Variants in AP5Z1 observed in about 807,000 individuals in gnomAD.
The protein encoded by AP5Z1 is adaptor related protein complex 5 subunit zeta 1.
AP5Z1 carries 106 observed loss-of-function variants against 83.0 expected under a neutral mutation model. The observed-to-expected ratio is 1.28, with a 90% CI of 1.09 to 1.50. The LOEUF (loss-of-function observed/expected upper bound fraction) is 1.50. Ranked by LOEUF, AP5Z1 falls within the 40% of genes most tolerant of loss-of-function variation. The pLI is 0.00. For missense variants in AP5Z1, 1,565 were observed against 1,094.2 expected (o/e 1.43, Z -6.07); for synonymous variants, 751 against 514.1 (o/e 1.46, Z -6.23).
In AP5Z1 at chr7:4,786,231, G is replaced by C. The variant is rs148117172; in HGVS notation, c.1133-19G>C. ...GGGCGAGGTCAAGACGTGTGCCCTG[G>C]CGGGCCCTGGTCTTGCAGGGGAAGC... On this transcript the variant is annotated intron_variant, in intron 9 of 16. Transcript: ENST00000649063. The C allele has an allele frequency of 5.4e-4, 862 of 1,583,684 alleles. 3 individuals carry two copies. The African/African-American group carries it at 1.0e-2, about 18-fold the overall frequency.
In AP5Z1 at chr7:4,788,134, T is replaced by A. The variant is rs1781615897; in HGVS notation, c.1455-20T>A. 1.3e-6 allele frequency: 2 copies of A among 1,511,670 alleles called. No homozygotes were observed. The highest frequency in any genetic ancestry group is 1.4e-5 in the African/African-American group (1 of 71,818). The allele number at this position is 1,511,670 out of a possible 1,614,324, so 93.6% of individuals were successfully genotyped here. On this transcript the variant is annotated intron_variant, in intron 11 of 16. Coordinates refer to ENST00000649063, the MANE Select transcript of AP5Z1 (RefSeq NM_014855.3). ...GCAGGGGCCGCATCCCAGCCTGGCC[T>A]TGGGCGTCTGTCCACGCAGGTCAGC...
chr7:4,779,426 T>TGATAA (rs1562403029), intron 1 of AP5Z1, among the ~76,000 whole-genome samples: 1 of 145,882 alleles, frequency 6.9e-6, no homozygotes, highest in African/African-American at 2.5e-5. Context: ...AACATATATA[T>TGATAA]CATATATAAC....
Position 4,790,091 on chromosome 7 carries a change from C to T in AP5Z1, c.1805+162C>T, listed in dbSNP as rs541407626. Reference sequence around the variant, plus strand: ...CCCCACCCACAGCCCCACACCCAGCCCCAGGCACTTCTCTCTGCTTCTCAA... The same window carrying T: ...CCCCACCCACAGCCCCACACCCAGCTCCAGGCACTTCTCTCTGCTTCTCAA... On this transcript the variant is annotated intron_variant, in intron 14 of 16. Transcript: ENST00000649063. 5.3e-6 allele frequency: 7 copies of T among 1,318,782 alleles called. No homozygotes were observed. In the Admixed American group the frequency reaches 1.3e-4, roughly 24 times the overall value. 81.7% of individuals were successfully genotyped at this position (1,318,782 alleles called of 1,614,324 possible).
rs1554257082 is a variant in AP5Z1 at position 4,779,378 on chromosome 7, C to CATATAACATGATTATTATATATCAT, written c.42-1784_42-1760dup. ...TTATATATCATAACGTGTTATATGT[C>CATATAACATGATTATTATATATCAT]ATATAACATGATTATTATATATCAT... On this transcript the variant is annotated intron_variant, in intron 1 of 16. Transcript: ENST00000649063. 9.7e-3 allele frequency among the ~76,000 whole-genome samples: 1,418 copies of CATATAACATGATTATTATATATCAT among 146,382 alleles called. 22 individuals are homozygous for CATATAACATGATTATTATATATCAT. Among genetic ancestry groups the CATATAACATGATTATTATATATCAT allele is most frequent in the African/African-American group, 0.034 (1,358 of 40,014 alleles).
chr7:4,782,002 C>G (rs1219502171), intron 3 of AP5Z1, among the ~76,000 whole-genome samples: 1 of 152,180 alleles, frequency 6.6e-6, no homozygotes. Context: ...CAGACAGAGC[C>G]TTGAGACAGC....
At chr7:4,780,220 G>A (rs948644327) in intron 1 of AP5Z1, among the ~76,000 whole-genome samples, 4 of 152,110 alleles carry the variant, frequency 2.6e-5, no homozygotes, top group African/African-American at 9.7e-5. Flanking sequence ...TCTTACCTGT[G>A]GCTTACTAGG....
At chr7:4,776,691 C>T (rs548373230) in intron 1 of AP5Z1, among the ~76,000 whole-genome samples, 3 of 151,512 alleles carry the variant, frequency 2.0e-5, no homozygotes, top group Admixed American at 1.3e-4. Flanking sequence ...GCTGAGATGG[C>T]GCCACTGCAC....
chr7:4,781,705 C>T lies in AP5Z1; in HGVS notation c.317C>T (p.Thr106Met), dbSNP rs566001734. 53 of 1,585,812 alleles carry T rather than the reference C, an allele frequency of 3.3e-5. 1 individual carries two copies. In the Admixed American group the frequency reaches 6.4e-4, roughly 19 times the overall value. ...SDSLSLAWDH[T>M]QNSRQLSLVA... is the part of the protein sequence containing the mutation. ...AGCCTCAGCCTGGCCTGGGACCACACGCAGAACAGCCGGCAGCTGAGCCTG... is the reference window on the plus strand; with the variant it reads ...AGCCTCAGCCTGGCCTGGGACCACATGCAGAACAGCCGGCAGCTGAGCCTG... Residue 106 changes from threonine to methionine, a missense_variant, in exon 3 of 17, where the codon ACG (threonine) becomes ATG (methionine). Physicochemically the swap from Thr to Met is moderately conservative, Grantham distance 81. Transcript: ENST00000649063.
At chr7:4,790,031 C>T in intron 14 of AP5Z1, 102 bp downstream of exon 14, 5 of 1,181,686 alleles carry the variant, frequency 4.2e-6, no homozygotes, top group Non-Finnish European at 4.6e-6. Flanking sequence ...GGCACCACCC[C>T]TAGCTGGGCC....
Position 4,792,143 on chromosome 7 carries a change from T to G in AP5Z1, c.*758T>G, listed in dbSNP as rs1781797852. The G allele has an allele frequency of 1.3e-5, 2 of 152,140 alleles. No individual in the cohort carries two copies. Among genetic ancestry groups the G allele is most frequent in the African/African-American group, 4.8e-5 (2 of 41,386 alleles). 9.4% of individuals were successfully genotyped at this position (152,140 alleles called of 1,614,324 possible). Reference sequence around the variant, plus strand: ...CGCGCGAAGGGGAGGTGTCTGGGCGTGCGGCCCCAGCCCCGCCACCTTCCT... The same window carrying G: ...CGCGCGAAGGGGAGGTGTCTGGGCGGGCGGCCCCAGCCCCGCCACCTTCCT... On this transcript the variant is annotated 3_prime_UTR_variant, in exon 17 of 17. Transcript: ENST00000649063.
intron 1 of AP5Z1, among the ~76,000 whole-genome samples, chr7:4,777,337 CAA>C (rs1465783799): frequency 6.6e-6 from 1 of 151,566 alleles, no homozygotes; most frequent in Non-Finnish European, 1.5e-5. Flanking sequence ...ACATGAAAAA[CAA>C]AAGGAAGAGC....
Position 4,790,691 on chromosome 7 carries a change from T to A in AP5Z1, c.1957T>A (p.Tyr653Asn), listed in dbSNP as rs1228766791. Residue 653 changes from tyrosine to asparagine, a missense_variant, in exon 16 of 17, where the codon TAC becomes AAC. Physicochemically the swap from Tyr to Asn is moderately radical, Grantham distance 143. Transcript: ENST00000649063. ...VTSVVWAIGE[Y>N]LSVTYDRRCT... ...GGCCTAGGTGTGGGCCATCGGCGAG[T>A]ACCTGTCGGTGACCTACGATCGGAG... 6.2e-7 allele frequency: 1 copy of A among 1,611,784 alleles called. No individual in the cohort carries two copies. Among genetic ancestry groups the A allele is most frequent in the Admixed American group, 1.7e-5 (1 of 59,898 alleles).
At position 4,790,567 on chromosome 7, in the gene AP5Z1, C is replaced by T. The variant is rs780318065; in HGVS notation, c.1914C>T (p.Ser638=). 6.2e-6 allele frequency: 10 copies of T among 1,613,048 alleles called. No individual in the cohort carries two copies. The South Asian group carries it at 7.7e-5, about 12-fold the overall frequency. Residue 638 remains serine, a synonymous_variant, in exon 15 of 17, where the codon AGC becomes AGT. Transcript: ENST00000649063. Reference sequence around the variant, plus strand: ...TGGGCAGCGTGAATGGTCTCTGCAGCAGGGCGAGCCTCGTCACCAGCGTGG... The same window carrying T: ...TGGGCAGCGTGAATGGTCTCTGCAGTAGGGCGAGCCTCGTCACCAGCGTGG... The part of the protein sequence containing the change: ...EFLGSVNGLC[S]RASLVTSVVW...
In AP5Z1 at chr7:4,792,674, C is replaced by G. The variant is rs1175944804; in HGVS notation, c.*1289C>G. On this transcript the variant is annotated 3_prime_UTR_variant, in exon 17 of 17. Coordinates refer to ENST00000649063, the MANE Select transcript of AP5Z1 (RefSeq NM_014855.3). ...TCCCCCGCGGCCTGCGATGACAGCC[C>G]AGGGCCGCTGAGCCGGGGCCGCAGG... 1 of 152,230 alleles carries G rather than the reference C, an allele frequency of 6.6e-6. No homozygotes were observed. The highest frequency in any genetic ancestry group is 1.5e-5 in the Non-Finnish European group (1 of 68,042). 9.4% of individuals were successfully genotyped at this position (152,230 alleles called of 1,614,324 possible).
intron 1 of AP5Z1, among the ~76,000 whole-genome samples, chr7:4,778,430 T>A (rs1025009590): frequency 1.3e-5 from 2 of 152,094 alleles, no homozygotes; most frequent in African/African-American, 4.8e-5. Context: ...CTCAGCCCAC[T>A]AGCTCGGGAG....
Position 4,790,363 on chromosome 7 carries a change from C to T in AP5Z1, c.1806-96C>T, listed in dbSNP as rs912245135. On this transcript the variant is annotated intron_variant, in intron 14 of 16. Coordinates refer to ENST00000649063, the MANE Select transcript of AP5Z1 (RefSeq NM_014855.3). Reference sequence around the variant, plus strand: ...CGGAGGGTGCAGCATACACCTACCACTCAGACGCTTCCCGGGTTTCTCCAG... The same window carrying T: ...CGGAGGGTGCAGCATACACCTACCATTCAGACGCTTCCCGGGTTTCTCCAG... 2.0e-5 allele frequency: 32 copies of T among 1,584,972 alleles called. No individual in the cohort carries two copies. The African/African-American group carries it at 2.3e-4, about 11-fold the overall frequency.
chr7:4,785,759 C>CG, intron 9 of AP5Z1, 75 bp downstream of exon 9: 1 of 1,318,846 alleles, frequency 7.6e-7, no homozygotes, highest in South Asian at 1.8e-5. Context: ...TTTCTTCTTC[C>CG]CTTTTTTTTT....
chr7:4,785,762 T>TA, intron 9 of AP5Z1, 78 bp downstream of exon 9: 1 of 364,348 alleles, frequency 2.7e-6, no homozygotes, highest in Non-Finnish European at 3.7e-6. Context: ...CTTCTTCCCT[T>TA]TTTTTTTTTT....
intron 5 of AP5Z1, 131 bp from the exon 6 acceptor site, chr7:4,784,072 C>T: frequency 8.6e-7 from 1 of 1,166,934 alleles, no homozygotes; most frequent in South Asian, 1.6e-5. Context: ...TTTTGCATCA[C>T]ACAGGGCGGG....
Sources: allele counts gnomAD v4.1 joint callset (sites outside exome capture counted in the v4.1 genomes callset), GRCh38; gene constraint gnomAD v4.1.1; transcripts MANE v1.5; gene names NCBI Gene and HGNC (gene_info 2026-07-23, HGNC 2026-07-21).